The following LNPEP variants were observed in gnomAD, a reference collection of about 807,000 sequenced individuals.
LNPEP encodes leucyl-cystinyl aminopeptidase.
Under a neutral mutation model 120.6 loss-of-function variants are expected in LNPEP, and 64 were observed. The ratio of observed to expected loss-of-function variants is 0.53; its 90% CI spans 0.43 to 0.65. The LOEUF (loss-of-function observed/expected upper bound fraction) is 0.65, where lower values mean the gene tolerates loss of function less well. Among genes scored for constraint, LNPEP ranks in the 30% least tolerant of loss-of-function variants. The pLI is 0.00. For synonymous variants in LNPEP, 435 were observed against 425.4 expected (o/e 1.02, Z -0.28); for missense variants, 1,057 against 1,200.0 (o/e 0.88, Z 1.76).
rs759253501 is a variant in LNPEP, at chr5:96,955,697, A to T, written c.19+19523A>T. The stretch of plus-strand genomic sequence containing the variant: ...ATAATTGTTTATTCACTAATTCACC[A>T]ATTGATGGACATTTGTTTTCAGCTT... On this transcript the variant is annotated intron_variant, in intron 1 of 17. Transcript: ENST00000231368. Among the ~76,000 whole-genome samples the T allele has an allele frequency of 5.3e-5, 8 of 152,376 alleles. No individual in the cohort carries two copies. The East Asian group carries it at 1.5e-3, about 29-fold the overall frequency.
intron 12 of LNPEP, 75 bp downstream of exon 12, chr5:97,013,906 C>A: frequency 8.9e-7 from 1 of 1,124,294 alleles, no homozygotes; most frequent in Non-Finnish European, 1.3e-6. Context: ...ATATGAAAAA[C>A]AGTTTGAAAG....
In LNPEP at chr5:97,026,730, A is replaced by G; in HGVS notation, c.2837A>G (p.Lys946Arg). 4.3e-6 allele frequency: 7 copies of G among 1,613,694 alleles called. No homozygotes were observed. The highest frequency in any genetic ancestry group is 1.1e-5 in the South Asian group (1 of 91,068). Reference protein sequence around the residue: ...PGHLLAWDFVKENWNKLVQKF... With the variant: ...PGHLLAWDFVRENWNKLVQKF... ...CACTTACTGGCATGGGATTTTGTCA[A>G]AGAGAACTGGAATAAGCTTGTACAG... The change falls in exon 16 of 18, where the codon AAA becomes AGA. Residue 946 changes from lysine to arginine, a missense_variant. Coordinates refer to ENST00000231368, the MANE Select transcript of LNPEP (RefSeq NM_005575.3).
At chr5:96,998,449 G>T (rs1676268695) in intron 8 of LNPEP, among the ~76,000 whole-genome samples, 1 of 152,152 alleles carries the variant, frequency 6.6e-6, no homozygotes, top group Non-Finnish European at 1.5e-5. Flanking sequence ...GTTCAGAGAA[G>T]GTCCTAAGTA....
chr5:97,014,713 A>C (rs1195258481), intron 12 of LNPEP, among the ~76,000 whole-genome samples: 6 of 152,188 alleles, frequency 3.9e-5, no homozygotes, highest in African/African-American at 1.4e-4. Context: ...GGAATAAAAA[A>C]AAATGAGCTA....
At position 97,031,219 on chromosome 5, in the gene LNPEP, T is replaced by C. The variant is rs1791462234; in HGVS notation, c.*2686T>C. 6.6e-6 allele frequency: 1 copy of C among 151,272 alleles called. No individual in the cohort carries two copies. Among genetic ancestry groups the C allele is most frequent in the Admixed American group, 6.6e-5 (1 of 15,106 alleles). The allele number at this position is 151,272 out of a possible 1,614,324, so 9.4% of individuals were successfully genotyped here. On this transcript the variant is annotated 3_prime_UTR_variant, in exon 18 of 18. Transcript: ENST00000231368. ...GAAATCTTGAGTTGTGGAAGAAATG[T>C]TTATGCTTTGGAGATCTAAAAAAGT... is the stretch of plus-strand genomic sequence containing the variant.
intron 1 of LNPEP, among the ~76,000 whole-genome samples, chr5:96,939,790 G>A (rs933501781): frequency 2.0e-5 from 3 of 152,010 alleles, no homozygotes; most frequent in East Asian, 1.9e-4. Flanking sequence ...TGAGATATTT[G>A]TGGGTTGTAA....
At chr5:96,938,118 T>C (rs1788963269) in intron 1 of LNPEP, among the ~76,000 whole-genome samples, 1 of 152,266 alleles carries the variant, frequency 6.6e-6, no homozygotes, top group African/African-American at 2.4e-5. Context: ...ATGGACAGGG[T>C]ATTTATTTGA....
At chr5:96,952,349 G>T (rs1581979176) in intron 1 of LNPEP, among the ~76,000 whole-genome samples, 2 of 152,144 alleles carry the variant, frequency 1.3e-5, no homozygotes, top group South Asian at 4.1e-4. Flanking sequence ...AGTGAAAATG[G>T]CATATAACAT....
chr5:97,005,523 G>A (rs928791871), intron 9 of LNPEP, among the ~76,000 whole-genome samples: 1 of 152,128 alleles, frequency 6.6e-6, no homozygotes, highest in African/African-American at 2.4e-5. Context: ...CAACTGACCT[G>A]TTCATATGTC....
At chr5:96,967,305 T>C (rs1261312484) in intron 1 of LNPEP, among the ~76,000 whole-genome samples, 2 of 151,202 alleles carry the variant, frequency 1.3e-5, no homozygotes, top group African/African-American at 4.8e-5. Context: ...GCCTGGCTAT[T>C]ATTATTATTT....
rs562023848 is a variant in LNPEP at position 96,936,760 on chromosome 5, C to T, written c.19+586C>T. 215 of 152,264 alleles carry T rather than the reference C, an allele frequency of 1.4e-3. 4 individuals carry two copies. Among genetic ancestry groups the T allele is most frequent in the Non-Finnish European group, 2.1e-4 (14 of 68,046 alleles). The allele number at this position is 152,264 out of a possible 1,614,324, so 9.4% of individuals were successfully genotyped here. A position where few individuals can be genotyped will look rare whatever the true frequency, so the allele number is the denominator to read the frequency against. On this transcript the variant is annotated intron_variant, in intron 1 of 17. Coordinates refer to ENST00000231368, the MANE Select transcript of LNPEP (RefSeq NM_005575.3). ...CACAGTGCCACCCTCCTGACCCTGCCGAGGTACTCGGCAGGGCCACCACGC... is the reference window on the plus strand; with the variant it reads ...CACAGTGCCACCCTCCTGACCCTGCTGAGGTACTCGGCAGGGCCACCACGC...
chr5:97,027,138 G>A (rs1455559852), intron 16 of LNPEP, among the ~76,000 whole-genome samples: 1 of 152,134 alleles, frequency 6.6e-6, no homozygotes, highest in African/African-American at 2.4e-5. Flanking sequence ...CGGATCACGA[G>A]GTCAGGAGAT....
intron 1 of LNPEP, among the ~76,000 whole-genome samples, chr5:96,939,499 G>A (rs915191464): frequency 1.5e-4 from 23 of 151,992 alleles, no homozygotes; most frequent in Admixed American, 3.9e-4. Flanking sequence ...GAGCCACCGC[G>A]CCCAGCTGAA....
rs1177238112 is a variant in LNPEP at position 96,979,259 on chromosome 5, G to A, written c.141G>A (p.Glu47=). The A allele has an allele frequency of 6.8e-6, 11 of 1,613,976 alleles. No homozygotes were observed. The South Asian group carries it at 1.2e-4, about 18-fold the overall frequency. The change falls in exon 2 of 18, where the codon GAG becomes GAA. Residue 47 remains glutamate, a synonymous_variant. Transcript: ENST00000231368. ...TAGAGCCTGATGAGGTGGAATATGAGCCCCGGGGTTCCCGACTGCTGGTGC... is the reference window on the plus strand; with the variant it reads ...TAGAGCCTGATGAGGTGGAATATGAACCCCGGGGTTCCCGACTGCTGGTGC... ...HPLEPDEVEY[E]PRGSRLLVRG... is the part of the protein sequence containing the mutation.
At chr5:97,021,934 T>G (rs193125330) in intron 13 of LNPEP, among the ~76,000 whole-genome samples, 2,095 of 136,516 alleles carry the variant, frequency 0.015, 40 homozygotes, top group African/African-American at 0.046. Context: ...TTTTTTTTTT[T>G]TTTTTTTTTT....
chr5:97,022,350 T>C lies in LNPEP; in HGVS notation c.2427T>C (p.Thr809=). 1.2e-6 allele frequency: 2 copies of C among 1,613,470 alleles called. No individual in the cohort carries two copies. Among genetic ancestry groups the C allele is most frequent in the Non-Finnish European group, 1.7e-6 (2 of 1,179,640 alleles). Residue 809 remains threonine, a synonymous_variant, in exon 14 of 18, where the codon ACT becomes ACC. Coordinates refer to ENST00000231368, the MANE Select transcript of LNPEP (RefSeq NM_005575.3). The stretch of plus-strand genomic sequence containing the variant: ...ACCAAATTCAACAACAAACTTGGAC[T>C]GATGAGGGCACTCCATCTATGCGAG... ...LQNQIQQQTW[T]DEGTPSMREL... is the part of the protein sequence containing the mutation.
intron 1 of LNPEP, among the ~76,000 whole-genome samples, chr5:96,973,374 T>C (rs1190145479): frequency 6.6e-6 from 1 of 152,124 alleles, no homozygotes; most frequent in African/African-American, 2.4e-5. Flanking sequence ...AAGAGTATTC[T>C]CATTAGGGAA....
chr5:96,988,908 G>A (rs1291528991), intron 4 of LNPEP, among the ~76,000 whole-genome samples: 1 of 151,862 alleles, frequency 6.6e-6, no homozygotes, highest in African/African-American at 2.4e-5. Flanking sequence ...CCATACTTCT[G>A]GCAAATTCAG....
chr5:97,008,687 CAG>C (rs1460520499), intron 11 of LNPEP, among the ~76,000 whole-genome samples: 2 of 77,556 alleles, frequency 2.6e-5, no homozygotes, highest in African/African-American at 5.0e-5. Flanking sequence ...TTTTTTGAGA[CAG>C]AGTCTCGCTC....
Sources: gnomAD v4.1 joint callset for allele counts (sites outside exome capture counted in the v4.1 genomes callset) on GRCh38, gnomAD v4.1.1 for gene constraint, MANE v1.5 for transcripts, NCBI Gene and HGNC (gene_info 2026-07-23, HGNC 2026-07-21) for gene names.